The following GPR89A variants were observed in gnomAD, a reference collection of about 807,000 sequenced individuals.
The protein encoded by GPR89A is golgi pH regulator A.
A neutral mutation model predicts 52.0 loss-of-function variants in GPR89A; 16 were observed. That is an observed-to-expected ratio of 0.31 (90% confidence interval 0.21 to 0.47). The LOEUF (loss-of-function observed/expected upper bound fraction) is 0.47, where lower values mean the gene tolerates loss of function less well. GPR89A is among the 20% of genes least tolerant of loss of function. GPR89A has a pLI of 1.00. For missense variants in GPR89A, 135 were observed against 449.4 expected (o/e 0.30, Z 6.33); for synonymous variants, 55 against 150.9 (o/e 0.36, Z 4.66).
intron 7 of GPR89A, among the ~76,000 whole-genome samples, chr1:145,637,856 G>C (rs1382539159): frequency 6.6e-6 from 1 of 151,976 alleles, no homozygotes; most frequent in African/African-American, 2.4e-5. Flanking sequence ...CAGGAGAATT[G>C]AGATGACAGA....
chr1:145,608,005 G>GGCTGGAGAGCCGCAGTCCCGGCT lies in GPR89A; in HGVS notation c.-126_-104dup, dbSNP rs1647912637. 1 of 1,060,288 alleles carries GGCTGGAGAGCCGCAGTCCCGGCT rather than the reference G, an allele frequency of 9.4e-7. No homozygotes were observed. Among genetic ancestry groups the GGCTGGAGAGCCGCAGTCCCGGCT allele is most frequent in the Non-Finnish European group, 1.4e-6 (1 of 723,826 alleles). 65.7% of individuals were successfully genotyped at this position (1,060,288 alleles called of 1,614,324 possible). On this transcript the variant is annotated 5_prime_UTR_variant, in exon 1 of 14. An upstream open reading frame in the 5' UTR loses its in-frame stop. Coordinates refer to ENST00000313835, the MANE Select transcript of GPR89A (RefSeq NM_001097612.2). ...ACTGGGGCGCAGCTTGATGGCGTCG[G>GGCTGGAGAGCCGCAGTCCCGGCT]GCTGGAGAGCCGCAGTCCCGGCTGC...
intron 10 of GPR89A, among the ~76,000 whole-genome samples, chr1:145,662,912 C>T (rs1338350024): frequency 1.3e-5 from 2 of 149,690 alleles, no homozygotes; most frequent in Non-Finnish European, 3.0e-5. Context: ...CATTTGATAT[C>T]GTTTGTTGAC....
chr1:145,667,846 T>C (rs1652679551), intron 12 of GPR89A, among the ~76,000 whole-genome samples: 2 of 152,216 alleles, frequency 1.3e-5, no homozygotes, highest in South Asian at 4.1e-4. Flanking sequence ...CCCCATTTCT[T>C]GTTTTTGTCA....
chr1:145,648,221 C>G (rs1380868514), intron 10 of GPR89A, among the ~76,000 whole-genome samples: 1 of 151,468 alleles, frequency 6.6e-6, no homozygotes, highest in African/African-American at 2.4e-5. Flanking sequence ...GATTTGACTT[C>G]CTAGTTTGAT....
At chr1:145,669,138 G>A (rs868990791) in intron 12 of GPR89A, among the ~76,000 whole-genome samples, 3 of 152,082 alleles carry the variant, frequency 2.0e-5, no homozygotes, top group Admixed American at 2.0e-4. Context: ...TCTAATCAAC[G>A]TAGGAAGACT....
At chr1:145,608,528 A>G in intron 1 of GPR89A, 1 of 694,000 alleles carries the variant, frequency 1.4e-6, no homozygotes, top group East Asian at 4.3e-5. Context: ...CTGATCCTGG[A>G]CTGGGGAAGC....
chr1:145,646,147 C>A, intron 8 of GPR89A, 37 bp from the exon 9 acceptor site: 1 of 1,613,706 alleles, frequency 6.2e-7, no homozygotes, highest in Non-Finnish European at 8.5e-7. Context: ...TCTTGAATTC[C>A]TATGTGATTA....
At chr1:145,658,431 C>T (rs1651959561) in intron 10 of GPR89A, among the ~76,000 whole-genome samples, 1 of 151,212 alleles carries the variant, frequency 6.6e-6, no homozygotes, top group Admixed American at 6.6e-5. Flanking sequence ...AAAGGGAAAC[C>T]CCATTCTTTA....
intron 1 of GPR89A, chr1:145,612,245 A>G (rs1290661607): frequency 2.6e-5 from 4 of 152,196 alleles, no homozygotes; most frequent in Admixed American, 6.5e-5. Flanking sequence ...GTGAAGCCAA[A>G]AGGTATGATC....
At chr1:145,661,456 TAATA>T (rs1652198369) in intron 10 of GPR89A, among the ~76,000 whole-genome samples, 1 of 150,604 alleles carries the variant, frequency 6.6e-6, no homozygotes, top group African/African-American at 2.4e-5. Context: ...TAAAGTATAA[TAATA>T]ATAAAATAAA....
At chr1:145,612,495 G>A (rs1648368950) in intron 1 of GPR89A, among the ~76,000 whole-genome samples, 1 of 152,104 alleles carries the variant, frequency 6.6e-6, no homozygotes, top group Admixed American at 6.5e-5. Flanking sequence ...AGATTTTGGA[G>A]TCAAACAAGC....
chr1:145,663,431 G>A lies in GPR89A; in HGVS notation c.1005+7G>A. The A allele has an allele frequency of 1.2e-6, 2 of 1,610,050 alleles. No individual in the cohort carries two copies. The highest frequency in any genetic ancestry group is 1.3e-5 in the African/African-American group (1 of 74,816). ...TCTGGGAATCCAATTTGATGTAAGTGTTATATCAAGATCCTGGTTTGTCAT... is the reference window on the plus strand; with the variant it reads ...TCTGGGAATCCAATTTGATGTAAGTATTATATCAAGATCCTGGTTTGTCAT... On this transcript the variant is annotated splice_region_variant and intron_variant, in intron 11 of 13. Transcript: ENST00000313835.
At chr1:145,613,378 T>C (rs1377112350) in intron 1 of GPR89A, among the ~76,000 whole-genome samples, 2 of 152,068 alleles carry the variant, frequency 1.3e-5, no homozygotes, top group Non-Finnish European at 2.9e-5. Context: ...GGCTTTATCA[T>C]CTTTCATCTG....
At chr1:145,610,669 A>G (rs1168647848) in intron 1 of GPR89A, among the ~76,000 whole-genome samples, 1 of 152,136 alleles carries the variant, frequency 6.6e-6, no homozygotes, top group African/African-American at 2.4e-5. Flanking sequence ...TATCTCCTCC[A>G]TAGATTATAA....
At chr1:145,620,339 G>A (rs587688288) in intron 3 of GPR89A, among the ~76,000 whole-genome samples, 40 of 151,972 alleles carry the variant, frequency 2.6e-4, no homozygotes, top group Non-Finnish European at 4.3e-4. Context: ...ATTTGTAAAA[G>A]CAGGTGGCTG....
chr1:145,667,223 T>G (rs1248414408), intron 12 of GPR89A, among the ~76,000 whole-genome samples: 1 of 152,192 alleles, frequency 6.6e-6, no homozygotes, highest in Non-Finnish European at 1.5e-5. Context: ...GTGTTCCTGT[T>G]TCTCCACATC....
At chr1:145,627,872 T>C (rs1198103981) in intron 5 of GPR89A, among the ~76,000 whole-genome samples, 1 of 151,278 alleles carries the variant, frequency 6.6e-6, no homozygotes, top group Non-Finnish European at 1.5e-5. Flanking sequence ...GGAGACATCA[T>C]GTAAAGCCCT....
chr1:145,659,954 T>A (rs1553695288), intron 10 of GPR89A, among the ~76,000 whole-genome samples: 2 of 151,492 alleles, frequency 1.3e-5, no homozygotes, highest in Non-Finnish European at 2.9e-5. Flanking sequence ...CATTGAGCAG[T>A]GTTTTGTAGT....
chr1:145,655,614 C>T (rs1553694386), intron 10 of GPR89A, among the ~76,000 whole-genome samples: 1 of 152,178 alleles, frequency 6.6e-6, no homozygotes, highest in Admixed American at 6.5e-5. Context: ...GGGTCCCTCT[C>T]GCACCTGGAG....
Sources: allele counts gnomAD v4.1 joint callset (sites outside exome capture counted in the v4.1 genomes callset), GRCh38; gene constraint gnomAD v4.1.1; transcripts MANE v1.5; gene names NCBI Gene and HGNC (gene_info 2026-07-23, HGNC 2026-07-21).